Variants in GPHN observed in about 807,000 individuals in gnomAD.
The protein encoded by GPHN is gephyrin.
A neutral mutation model predicts 95.5 loss-of-function variants in GPHN; 17 were observed. The ratio of observed to expected loss-of-function variants is 0.18; its 90% CI spans 0.12 to 0.27. The LOEUF (loss-of-function observed/expected upper bound fraction) is 0.27, where lower values mean the gene tolerates loss of function less well. Among genes scored for constraint, GPHN ranks in the 10% least tolerant of loss-of-function variants. GPHN has a pLI of 1.00. For missense variants in GPHN, 660 were observed against 978.1 expected (o/e 0.67, Z 4.34); for synonymous variants, 320 against 322.5 (o/e 0.99, Z 0.08).
intron 10 of GPHN, among the ~76,000 whole-genome samples, chr14:67,050,617 G>T (rs903881620): frequency 6.6e-6 from 1 of 152,030 alleles, no homozygotes; most frequent in Non-Finnish European, 1.5e-5. Context: ...TGATGGAAGA[G>T]ATTATTCCTG....
At chr14:66,977,298 G>T (rs922023911) in intron 9 of GPHN, among the ~76,000 whole-genome samples, 13 of 152,072 alleles carry the variant, frequency 8.5e-5, no homozygotes, top group Non-Finnish European at 1.8e-4. Context: ...GGGCATGGTG[G>T]TGGGCGCCTG....
intron 9 of GPHN, chr14:66,996,124 T>C (rs955332471): frequency 5.3e-6 from 7 of 1,324,410 alleles, no homozygotes; most frequent in Non-Finnish European, 7.3e-6. Context: ...TGACCCTTAC[T>C]ATGCTATCCT....
At chr14:66,747,894 TTAGG>T (rs1347172394) in intron 2 of GPHN, among the ~76,000 whole-genome samples, 4 of 152,076 alleles carry the variant, frequency 2.6e-5, no homozygotes, top group Non-Finnish European at 5.9e-5. Flanking sequence ...AATTATTTAC[TTAGG>T]TAGTGAACTA....
chr14:66,598,801 T>C (rs1185564416), intron 1 of GPHN, among the ~76,000 whole-genome samples: 1 of 148,624 alleles, frequency 6.7e-6, no homozygotes, highest in African/African-American at 2.5e-5. Context: ...TCAGCGCCAC[T>C]GCACTCCAGC....
intron 1 of GPHN, among the ~76,000 whole-genome samples, chr14:66,556,025 C>G (rs1396678216): frequency 1.3e-5 from 2 of 152,100 alleles, no homozygotes; most frequent in African/African-American, 2.4e-5. Context: ...GCCTATTGCT[C>G]TTAGACTACA....
chr14:66,727,041 G>C (rs1377101198), intron 2 of GPHN, among the ~76,000 whole-genome samples: 2 of 152,140 alleles, frequency 1.3e-5, no homozygotes, highest in Admixed American at 6.5e-5. Flanking sequence ...GAGGAACCTG[G>C]TGAGACATAA....
chr14:66,564,213 G>A (rs183305757), intron 1 of GPHN, among the ~76,000 whole-genome samples: 1 of 152,096 alleles, frequency 6.6e-6, no homozygotes, highest in East Asian at 1.9e-4. Context: ...CTAGTAAAAT[G>A]TATTTAAAAA....
chr14:67,562,181 G>A, the GPHN span: 61 of 1,611,464 alleles, frequency 3.8e-5, no homozygotes, highest in Admixed American at 5.4e-4. Context: ...GCCCCCCTAC[G>A]GAGCTGCAGA....
intron 1 of GPHN, among the ~76,000 whole-genome samples, chr14:66,665,045 A>G (rs192580730): frequency 1.3e-5 from 2 of 151,188 alleles, no homozygotes; most frequent in Admixed American, 6.6e-5. Context: ...GCTGAATTCT[A>G]CCAAATGTAC....
chr14:66,576,082 G>C (rs1006822968), intron 1 of GPHN, among the ~76,000 whole-genome samples: 1 of 152,110 alleles, frequency 6.6e-6, no homozygotes, highest in Non-Finnish European at 1.5e-5. Context: ...GACCCTGCCT[G>C]GTGCTAGGGT....
At chr14:67,360,878 A>C in the GPHN span, 1 of 151,976 alleles carries the variant, frequency 6.6e-6, no homozygotes, top group Non-Finnish European at 1.5e-5. Context: ...TCTACCAAAA[A>C]TTTCCCCTGC....
the GPHN span, chr14:67,204,888 C>T: frequency 1.7e-5 from 28 of 1,613,934 alleles, 1 homozygote; most frequent in South Asian, 3.3e-5. Flanking sequence ...TCCCAGAATT[C>T]ACAGACATCA....
intron 12 of GPHN, among the ~76,000 whole-genome samples, chr14:67,093,080 A>G (rs1468037649): frequency 6.6e-6 from 1 of 152,108 alleles, no homozygotes; most frequent in Non-Finnish European, 1.5e-5. Flanking sequence ...TTTGGAAAAA[A>G]GGAATATTTT....
chr14:67,522,876 G>C, the GPHN span, among the ~76,000 whole-genome samples: 2 of 152,336 alleles, frequency 1.3e-5, no homozygotes, highest in South Asian at 4.1e-4. Context: ...TTCAGGAAAG[G>C]CTGCAGAAGC....
At chr14:67,695,791 A>T in the GPHN span, 1 of 1,261,574 alleles carries the variant, frequency 7.9e-7, no homozygotes, top group Non-Finnish European at 1.1e-6. Context: ...CCCAATTCAA[A>T]TTGCGACAGC....
At chr14:67,253,337 T>A in the GPHN span, among the ~76,000 whole-genome samples, 4 of 152,232 alleles carry the variant, frequency 2.6e-5, no homozygotes, top group Non-Finnish European at 4.4e-5. Context: ...TAATGATGAA[T>A]AATTATAATT....
At chr14:67,653,591 T>A in the GPHN span, 2 of 1,143,896 alleles carry the variant, frequency 1.7e-6, no homozygotes, top group East Asian at 2.5e-5. Context: ...TTAAGGGATA[T>A]ATGTTGAAAA....
At chr14:67,452,061 G>C in the GPHN span, among the ~76,000 whole-genome samples, 3 of 152,210 alleles carry the variant, frequency 2.0e-5, no homozygotes, top group Non-Finnish European at 4.4e-5. Context: ...GCTGGGCATG[G>C]TGGCTCCTGC....
chr14:67,382,779 G>T, the GPHN span: 1 of 599,578 alleles, frequency 1.7e-6, no homozygotes, highest in Non-Finnish European at 2.9e-6. Context: ...ATATAAATGA[G>T]AAGTTTTTTT....
Sources: gnomAD v4.1 joint callset for allele counts (sites outside exome capture counted in the v4.1 genomes callset) on GRCh38, gnomAD v4.1.1 for gene constraint, MANE v1.5 for transcripts, NCBI Gene and HGNC (gene_info 2026-07-23, HGNC 2026-07-21) for gene names.